The following LRRC8D variants were observed in gnomAD, a reference collection of about 807,000 sequenced individuals.
LRRC8D encodes leucine rich repeat containing 8 VRAC subunit D, also known as volume-regulated anion channel subunit LRRC8D.
LRRC8D carries 20 observed loss-of-function variants against 55.8 expected under a neutral mutation model. The observed-to-expected ratio is 0.36, with a 90% CI of 0.25 to 0.52. LRRC8D has a LOEUF of 0.52. LRRC8D is among the 20% of genes least tolerant of loss of function. The pLI, the probability that LRRC8D is intolerant of heterozygous loss-of-function variation, is 0.93. For missense variants in LRRC8D, 651 were observed against 1,030.8 expected, an observed-to-expected ratio of 0.63 and a Z score of 5.05; for synonymous variants, 352 against 377.0, an observed-to-expected ratio of 0.93 and a Z score of 0.77.
intron 2 of LRRC8D, among the ~76,000 whole-genome samples, chr1:89,893,065 G>A (rs1436441870): frequency 4.6e-5 from 7 of 152,128 alleles, no homozygotes; most frequent in Non-Finnish European, 8.8e-5. Flanking sequence ...AAATAGACAG[G>A]ATCTCAGCTT....
intron 2 of LRRC8D, among the ~76,000 whole-genome samples, chr1:89,863,716 T>C (rs1356976609): frequency 6.6e-6 from 1 of 152,216 alleles, no homozygotes; most frequent in Non-Finnish European, 1.5e-5. Context: ...ATGCCCTGTT[T>C]ATAAAGCCTT....
Position 89,935,588 on chromosome 1 carries a change from C to T in LRRC8D, c.2520C>T (p.Leu840=), listed in dbSNP as rs771164715. The part of the protein sequence containing the change: ...VEDHLFDTLP[L]EVKEALNQDI... ...ATCACCTTTTTGATACCCTGCCACT[C>T]GAAGTCAAAGAGGCATTGAATCAAG... Residue 840 remains leucine (L), a synonymous_variant, in exon 3 of 3, where the codon CTC becomes CTT. Coordinates refer to ENST00000337338, the MANE Select transcript of LRRC8D (RefSeq NM_001134479.2). 12 of 1,613,930 alleles carry T rather than the reference C, an allele frequency of 7.4e-6. No individual in the cohort carries two copies. Among genetic ancestry groups the T allele is most frequent in the South Asian group, 6.6e-5 (6 of 91,074 alleles).
chr1:89,873,766 A>T (rs1166638896), intron 2 of LRRC8D, among the ~76,000 whole-genome samples: 1 of 152,222 alleles, frequency 6.6e-6, no homozygotes, highest in Non-Finnish European at 1.5e-5. Context: ...TTTCCCTTAC[A>T]TTCCTGAAAC....
intron 1 of LRRC8D, among the ~76,000 whole-genome samples, chr1:89,827,319 C>A (rs1377630954): frequency 6.8e-6 from 1 of 148,112 alleles, no homozygotes; most frequent in African/African-American, 2.5e-5. Context: ...CATTGCACTC[C>A]AGCCTGGGCA....
At chr1:89,854,266 A>T (rs1034036501) in intron 2 of LRRC8D, among the ~76,000 whole-genome samples, 3 of 152,212 alleles carry the variant, frequency 2.0e-5, no homozygotes, top group Non-Finnish European at 2.9e-5. Flanking sequence ...GACAGCTGGA[A>T]GTTAGTAACA....
intron 2 of LRRC8D, among the ~76,000 whole-genome samples, chr1:89,910,247 T>C (rs1663103635): frequency 6.6e-6 from 1 of 152,256 alleles, no homozygotes; most frequent in Non-Finnish European, 1.5e-5. Context: ...CTGGATGTTG[T>C]AGAAGTCTGG....
chr1:89,869,964 T>A (rs1378482452), intron 2 of LRRC8D, among the ~76,000 whole-genome samples: 2 of 150,870 alleles, frequency 1.3e-5, no homozygotes, highest in South Asian at 4.2e-4. Flanking sequence ...AAAAATTAGC[T>A]GGCCATGATG....
intron 2 of LRRC8D, among the ~76,000 whole-genome samples, chr1:89,895,964 A>T (rs904813607): frequency 6.6e-6 from 1 of 152,230 alleles, no homozygotes; most frequent in East Asian, 1.9e-4. Context: ...ATTACATAAT[A>T]TATGTCTCCT....
chr1:89,837,319 C>G (rs1661024487), intron 1 of LRRC8D, among the ~76,000 whole-genome samples: 1 of 152,162 alleles, frequency 6.6e-6, no homozygotes, highest in Admixed American at 6.5e-5. Flanking sequence ...CCTAGTGCCC[C>G]TAGACAAGTG....
intron 2 of LRRC8D, among the ~76,000 whole-genome samples, chr1:89,885,558 GC>G (rs1662398334): frequency 6.6e-6 from 1 of 152,188 alleles, no homozygotes; most frequent in African/African-American, 2.4e-5. Flanking sequence ...GCATTTAACA[GC>G]CTGAAGAAAG....
intron 2 of LRRC8D, among the ~76,000 whole-genome samples, chr1:89,891,440 A>C (rs1431796722): frequency 2.0e-5 from 3 of 152,138 alleles, no homozygotes; most frequent in Non-Finnish European, 4.4e-5. Flanking sequence ...TTATAGAATT[A>C]TTGTTTTCTC....
chr1:89,901,656 CAT>C (rs1336636062), intron 2 of LRRC8D, among the ~76,000 whole-genome samples: 3 of 152,162 alleles, frequency 2.0e-5, no homozygotes, highest in African/African-American at 4.8e-5. Context: ...GCAGACTAAA[CAT>C]GTGTTTGGGG....
chr1:89,843,566 C>T (rs961289721), intron 1 of LRRC8D, 72 bp from the exon 2 acceptor site: 9 of 696,342 alleles, frequency 1.3e-5, no homozygotes, highest in African/African-American at 1.2e-4. Flanking sequence ...CCCCGCCGCC[C>T]TGCACTCCTT....
At chr1:89,849,344 G>A (rs780628677) in intron 2 of LRRC8D, among the ~76,000 whole-genome samples, 2 of 152,022 alleles carry the variant, frequency 1.3e-5, no homozygotes, top group African/African-American at 4.8e-5. Context: ...GAATTTATTG[G>A]CCTTCATGAG....
chr1:89,841,570 A>T (rs1408031638), intron 1 of LRRC8D, among the ~76,000 whole-genome samples: 1 of 152,224 alleles, frequency 6.6e-6, no homozygotes, highest in East Asian at 1.9e-4. Context: ...TTTTGTGAAC[A>T]TCATTTGCCA....
intron 2 of LRRC8D, among the ~76,000 whole-genome samples, chr1:89,861,602 G>A (rs535566108): frequency 3.9e-5 from 6 of 152,312 alleles, no homozygotes; most frequent in South Asian, 2.1e-4. Context: ...ACAAGTCAGC[G>A]AAGAGGTATT....
chr1:89,845,788 T>C lies in LRRC8D; in HGVS notation c.-3+2006T>C, dbSNP rs187837917. 4.8e-3 allele frequency among the ~76,000 whole-genome samples: 725 copies of C among 152,066 alleles called. 5 individuals carry two copies. The highest frequency in any genetic ancestry group is 7.9e-3 in the Non-Finnish European group (538 of 67,988). On this transcript the variant is annotated intron_variant, in intron 2 of 2. Coordinates refer to ENST00000337338, the MANE Select transcript of LRRC8D (RefSeq NM_001134479.2). ...GTGTTTTGCAGCTACTTTTTTTTTTTTATTTTTGAGACGGAGGAGTTTTGC... is the reference window on the plus strand; with the variant it reads ...GTGTTTTGCAGCTACTTTTTTTTTTCTATTTTTGAGACGGAGGAGTTTTGC...
intron 2 of LRRC8D, among the ~76,000 whole-genome samples, chr1:89,851,590 G>A (rs902307026): frequency 6.6e-6 from 1 of 151,450 alleles, no homozygotes; most frequent in Non-Finnish European, 1.5e-5. Context: ...GCTCACTGCA[G>A]CCTCTGCCTC....
chr1:89,831,384 C>G (rs538839557), intron 1 of LRRC8D, among the ~76,000 whole-genome samples: 1 of 152,038 alleles, frequency 6.6e-6, no homozygotes, highest in South Asian at 2.1e-4. Flanking sequence ...TGCATTTGAA[C>G]AGGTTGTCTG....
Sources: allele counts gnomAD v4.1 joint callset (sites outside exome capture counted in the v4.1 genomes callset), GRCh38; gene constraint gnomAD v4.1.1; transcripts MANE v1.5; gene names NCBI Gene and HGNC (gene_info 2026-07-23, HGNC 2026-07-21).